The following STOX2 variants were observed in gnomAD, a reference collection of about 807,000 sequenced individuals.
STOX2 encodes storkhead box 2.
Under a neutral mutation model 60.9 loss-of-function variants are expected in STOX2, and 28 were observed. The observed-to-expected ratio is 0.46, with a 90% CI of 0.34 to 0.63. The LOEUF (loss-of-function observed/expected upper bound fraction) is 0.63, where lower values mean the gene tolerates loss of function less well. STOX2 is among the 30% of genes least tolerant of loss of function. STOX2 has a pLI of 0.01. For synonymous variants in STOX2, 472 were observed against 463.9 expected (o/e 1.02, Z -0.22); for missense variants, 1,024 against 1,187.7 (o/e 0.86, Z 2.03).
chr4:183,861,808 C>A (rs113717175), intron 1 of STOX2, among the ~76,000 whole-genome samples: 2 of 152,258 alleles, frequency 1.3e-5, no homozygotes, highest in African/African-American at 4.8e-5. Flanking sequence ...CGCTAATATA[C>A]CAACAACTAT....
chr4:183,939,257 G>C (rs1049466556), intron 1 of STOX2, among the ~76,000 whole-genome samples: 2 of 152,172 alleles, frequency 1.3e-5, no homozygotes, highest in Non-Finnish European at 2.9e-5. Flanking sequence ...TGAAATCAAC[G>C]TGTTGGATGT....
In STOX2 at chr4:183,867,790, G is replaced by A. The variant is rs988113550; in HGVS notation, c.364+69735G>A. Among the ~76,000 whole-genome samples the A allele has an allele frequency of 5.3e-5, 8 of 152,204 alleles. No individual in the cohort carries two copies. In the South Asian group the frequency reaches 1.7e-3, roughly 32 times the overall value. ...CTGTGCTGGGCTCAAGAGACACAAAGGTTGAGTAGCTTCTCCTGAAAGGTA... is the reference window on the plus strand; with the variant it reads ...CTGTGCTGGGCTCAAGAGACACAAAAGTTGAGTAGCTTCTCCTGAAAGGTA... On this transcript the variant is annotated intron_variant, in intron 1 of 2. Coordinates refer to the STOX2 transcript ENST00000513034.
chr4:183,956,665 G>C (rs1054808001), intron 1 of STOX2, among the ~76,000 whole-genome samples: 1 of 152,070 alleles, frequency 6.6e-6, no homozygotes, highest in Non-Finnish European at 1.5e-5. Context: ...ACTATTTCTA[G>C]TGTGCAGTTA....
chr4:183,837,651 GT>G lies in STOX2; in HGVS notation c.364+39599del, dbSNP rs1739748515. ...TTTTTGTATTTTTGGTGGAGATGAG[GT>G]TTCACCATGTTGGCCAGGCTGGTCT... On this transcript the variant is annotated intron_variant, in intron 1 of 2. Coordinates refer to the STOX2 transcript ENST00000513034. Among the ~76,000 whole-genome samples, 3 of 151,866 alleles carry G rather than the reference GT, an allele frequency of 2.0e-5. No homozygotes were observed. The South Asian group carries it at 6.2e-4, about 32-fold the overall frequency.
Position 183,856,987 on chromosome 4 carries a change from T to G in STOX2, c.364+58932T>G, listed in dbSNP as rs76970074. Among the ~76,000 whole-genome samples the G allele has an allele frequency of 0.029, 4,376 of 152,148 alleles. 206 individuals carry two copies. Among genetic ancestry groups the G allele is most frequent in the African/African-American group, 0.1 (4,148 of 41,442 alleles). ...GAGTGGATAATTAGATTAAATTGTG[T>G]GGTAGAGGCTGGGAGGGGTTTGGAG... On this transcript the variant is annotated intron_variant, in intron 1 of 2. Transcript: ENST00000513034. This position sits in a 1 kb window ranked among gnomAD's most constrained non-coding sequence, Gnocchi z 4.0.
chr4:183,828,403 C>T (rs2111117963), intron 1 of STOX2, among the ~76,000 whole-genome samples: 1 of 152,218 alleles, frequency 6.6e-6, no homozygotes, highest in South Asian at 2.1e-4. Context: ...TGTTTAGATT[C>T]TTCAGTCATA....
Position 183,858,006 on chromosome 4 carries a change from A to G in STOX2, c.364+59951A>G, listed in dbSNP as rs73012640. ...ATCCAGGCATTGGAGTAGAAGGATG[A>G]GGGCAAAAACTGGGTCCCTGCCTCC... On this transcript the variant is annotated intron_variant, in intron 1 of 2. Coordinates refer to the STOX2 transcript ENST00000513034. Among the ~76,000 whole-genome samples the G allele has an allele frequency of 9.0e-3, 1,371 of 152,288 alleles. 24 individuals carry two copies. The highest frequency in any genetic ancestry group is 0.031 in the African/African-American group (1,269 of 41,558).
intron 1 of STOX2, among the ~76,000 whole-genome samples, chr4:183,823,015 G>A (rs1036849208): frequency 3.9e-5 from 6 of 152,160 alleles, no homozygotes; most frequent in Admixed American, 3.9e-4. Flanking sequence ...GAGAACCTTC[G>A]GGTGCTCTTG....
intron 1 of STOX2, among the ~76,000 whole-genome samples, chr4:183,857,311 T>TGCCTCGTAGGACTGGTC (rs1740313524): frequency 8.0e-6 from 1 of 125,446 alleles, no homozygotes; most frequent in South Asian, 2.7e-4. Flanking sequence ...CAGGACTGGT[T>TGCCTCGTAGGACTGGTC]ATCCTGCAGT....
chr4:183,904,340 A>C (rs1045524795), upstream of STOX2, among the ~76,000 whole-genome samples: 1 of 152,204 alleles, frequency 6.6e-6, no homozygotes. Flanking sequence ...ATGGCCTGGG[A>C]ATTGGGGATC....
At chr4:183,803,851 T>C (rs1738823661) in intron 1 of STOX2, among the ~76,000 whole-genome samples, 1 of 151,854 alleles carries the variant, frequency 6.6e-6, no homozygotes, top group Admixed American at 6.6e-5. Context: ...TAATCCTAAC[T>C]ACTTGGGAGG....
intron 1 of STOX2, among the ~76,000 whole-genome samples, chr4:183,803,995 T>G (rs1738827731): frequency 6.6e-6 from 1 of 152,088 alleles, no homozygotes; most frequent in Non-Finnish European, 1.5e-5. Flanking sequence ...ATTAAAGAAA[T>G]AAAAATTTCT....
intron 1 of STOX2, among the ~76,000 whole-genome samples, chr4:183,964,831 G>C (rs1169659951): frequency 2.0e-5 from 3 of 152,026 alleles, no homozygotes; most frequent in African/African-American, 7.2e-5. Context: ...TGATTCACCC[G>C]CCTTGGCCTC....
At chr4:183,858,600 A>T (rs913990637) in intron 1 of STOX2, among the ~76,000 whole-genome samples, 11 of 147,764 alleles carry the variant, frequency 7.4e-5, no homozygotes, top group African/African-American at 2.9e-4. Context: ...AAGAGAAAGA[A>T]GGAAGGAAGG....
At chr4:184,007,195 G>T (rs879409377) in intron 2 of STOX2, among the ~76,000 whole-genome samples, 9 of 151,916 alleles carry the variant, frequency 5.9e-5, no homozygotes, top group Non-Finnish European at 1.2e-4. Flanking sequence ...TACCTTTTCC[G>T]CCTTGGTCAC....
intron 1 of STOX2, among the ~76,000 whole-genome samples, chr4:183,984,945 G>A (rs773419626): frequency 1.3e-5 from 2 of 152,190 alleles, no homozygotes. Flanking sequence ...TCAGCAGACC[G>A]TTCTTGTCTT....
At chr4:183,992,056 T>G (rs1388315663) in intron 1 of STOX2, among the ~76,000 whole-genome samples, 1 of 152,214 alleles carries the variant, frequency 6.6e-6, no homozygotes, top group Non-Finnish European at 1.5e-5. Flanking sequence ...TCTGTGTATC[T>G]GATCTGATCC....
chr4:183,945,248 G>C (rs1742854270), intron 1 of STOX2, among the ~76,000 whole-genome samples: 1 of 152,150 alleles, frequency 6.6e-6, no homozygotes, highest in Non-Finnish European at 1.5e-5. Context: ...TCCAAAAAGG[G>C]AACGTAGGAG....
chr4:183,974,291 A>T (rs971749979), intron 1 of STOX2, among the ~76,000 whole-genome samples: 4 of 152,168 alleles, frequency 2.6e-5, no homozygotes, highest in Admixed American at 6.5e-5. Flanking sequence ...AATAATTCAA[A>T]TAAAATTAGG....
Sources: gnomAD v4.1 joint callset for allele counts (sites outside exome capture counted in the v4.1 genomes callset) on GRCh38, gnomAD v4.1.1 for gene constraint, Gnocchi (gnomAD v3.1) non-coding constraint, MANE v1.5 for transcripts, NCBI Gene and HGNC (gene_info 2026-07-23, HGNC 2026-07-21) for gene names.